DSCAM: variants seen among roughly 807,000 people sequenced by gnomAD.
DSCAM encodes cell adhesion molecule DSCAM.
DSCAM carries 47 observed loss-of-function variants against 217.7 expected under a neutral mutation model. That is an observed-to-expected ratio of 0.22 (90% CI 0.17 to 0.28). DSCAM has a LOEUF of 0.28. Among genes scored for constraint, DSCAM ranks in the 10% least tolerant of loss-of-function variants. The pLI is 1.00. For synonymous variants in DSCAM, 1,056 were observed against 1,015.3 expected (o/e 1.04, Z -0.76); for missense variants, 2,080 against 2,618.3 (o/e 0.79, Z 4.49).
At chr21:40,031,622 C>T (rs2088526286) in intron 32 of DSCAM, among the ~76,000 whole-genome samples, 1 of 150,990 alleles carries the variant, frequency 6.6e-6, no homozygotes, top group Non-Finnish European at 1.5e-5. Flanking sequence ...GATGGTCAGT[C>T]ACCACCTACA....
chr21:40,460,980 T>C (rs1241746811), intron 3 of DSCAM, among the ~76,000 whole-genome samples: 2 of 152,328 alleles, frequency 1.3e-5, no homozygotes, highest in African/African-American at 2.4e-5. Context: ...ACGGTGCATA[T>C]GCAAGCTTAT....
intron 1 of DSCAM, among the ~76,000 whole-genome samples, chr21:40,722,804 G>A (rs933352752): frequency 1.3e-5 from 2 of 151,878 alleles, no homozygotes; most frequent in Non-Finnish European, 2.9e-5. Flanking sequence ...TAAAGAAACT[G>A]ATAGACCAAA....
At chr21:40,484,072 C>A (rs1480930095) in intron 3 of DSCAM, among the ~76,000 whole-genome samples, 1 of 152,224 alleles carries the variant, frequency 6.6e-6, no homozygotes, top group African/African-American at 2.4e-5. Flanking sequence ...AGACAAGGTT[C>A]TTGCTTTCGA....
At chr21:40,057,827 G>C (rs2146509716) in intron 28 of DSCAM, among the ~76,000 whole-genome samples, 1 of 150,308 alleles carries the variant, frequency 6.7e-6, no homozygotes, top group Middle Eastern at 3.6e-3. Context: ...GTCTTGCTCT[G>C]TCGCCCAGGC....
At chr21:40,694,184 T>G (rs747470951) in intron 2 of DSCAM, among the ~76,000 whole-genome samples, 7 of 152,216 alleles carry the variant, frequency 4.6e-5, no homozygotes, top group Admixed American at 1.3e-4. Flanking sequence ...CAGCCTTACT[T>G]CTTTAGAGCT....
intron 11 of DSCAM, among the ~76,000 whole-genome samples, chr21:40,207,869 C>G (rs529462481): frequency 1.3e-4 from 20 of 152,174 alleles, no homozygotes; most frequent in South Asian, 4.1e-4. Context: ...GGTCCTCACA[C>G]GGTCACTCCT....
intron 3 of DSCAM, among the ~76,000 whole-genome samples, chr21:40,504,176 A>T (rs1399985827): frequency 6.6e-6 from 1 of 152,198 alleles, no homozygotes; most frequent in East Asian, 1.9e-4. Context: ...AAGAGGAAAG[A>T]AGAGGGGAGG....
chr21:40,091,866 GAC>G (rs2089614669), intron 21 of DSCAM, among the ~76,000 whole-genome samples: 1 of 152,130 alleles, frequency 6.6e-6, no homozygotes, highest in Admixed American at 6.5e-5. Flanking sequence ...GCACAGGAAA[GAC>G]CTGCTCCCAT....
intron 3 of DSCAM, among the ~76,000 whole-genome samples, chr21:40,598,497 G>GTTTTTTTTTTTTTTTTTTTTTTTTTT (rs71186947): frequency 3.0e-5 from 2 of 66,792 alleles, no homozygotes; most frequent in Non-Finnish European, 5.1e-5. Flanking sequence ...CTGCCAAACT[G>GTTTTTTTTTTTTTTTTTTTTTTTTTT]TTTTTTTTTT....
intron 1 of DSCAM, among the ~76,000 whole-genome samples, chr21:40,732,503 T>G (rs1188424996): frequency 1.3e-5 from 2 of 152,232 alleles, no homozygotes; most frequent in Non-Finnish European, 2.9e-5. Flanking sequence ...ATACACTGAT[T>G]CAATAACTTC....
At chr21:40,412,470 C>T (rs2075332029) in intron 3 of DSCAM, among the ~76,000 whole-genome samples, 1 of 152,170 alleles carries the variant, frequency 6.6e-6, no homozygotes, top group Non-Finnish European at 1.5e-5. Context: ...AGATGAGGAA[C>T]TTGTTGGGAA....
chr21:40,842,870 A>C (rs2092114436), intron 1 of DSCAM, among the ~76,000 whole-genome samples: 2 of 152,186 alleles, frequency 1.3e-5, no homozygotes, highest in Admixed American at 1.3e-4. Context: ...AGAACGATCC[A>C]CTGGCATTTA....
intron 2 of DSCAM, among the ~76,000 whole-genome samples, chr21:40,698,280 T>C (rs1010831439): frequency 6.6e-6 from 1 of 152,090 alleles, no homozygotes; most frequent in South Asian, 2.1e-4. Context: ...ATGTAACAAA[T>C]TGCATGGCTC....
intron 11 of DSCAM, among the ~76,000 whole-genome samples, chr21:40,234,674 C>T (rs562447286): frequency 3.2e-4 from 49 of 152,280 alleles, no homozygotes; most frequent in African/African-American, 1.2e-3. Context: ...CACTTTTCTG[C>T]AGTCACATGG....
At chr21:40,464,038 T>C (rs532405372) in intron 3 of DSCAM, among the ~76,000 whole-genome samples, 1 of 152,260 alleles carries the variant, frequency 6.6e-6, no homozygotes, top group African/African-American at 2.4e-5. Flanking sequence ...TCCAGCTGTT[T>C]CCTGAACCAT....
intron 15 of DSCAM, among the ~76,000 whole-genome samples, chr21:40,173,821 T>A (rs1204040307): frequency 1.3e-5 from 2 of 152,194 alleles, no homozygotes; most frequent in Non-Finnish European, 2.9e-5. Context: ...TGACTCTGCA[T>A]CATGACCCTT....
chr21:40,061,593 G>A (rs62235651), intron 28 of DSCAM, among the ~76,000 whole-genome samples: 27,180 of 147,508 alleles, frequency 0.18, 2,994 homozygotes, highest in Non-Finnish European at 0.25. Context: ...AAAGAAAAAG[G>A]AAAAGACTTA....
chr21:40,790,180 CTTTTTTT>C (rs771986567), intron 1 of DSCAM, among the ~76,000 whole-genome samples: 2 of 125,400 alleles, frequency 1.6e-5, no homozygotes, highest in African/African-American at 3.0e-5. Flanking sequence ...TTCTTTCTTT[CTTTTTTT>C]TTTTTTTTTT....
At chr21:40,559,956 G>A (rs552196016) in intron 3 of DSCAM, among the ~76,000 whole-genome samples, 2 of 152,020 alleles carry the variant, frequency 1.3e-5, no homozygotes, top group East Asian at 3.9e-4. Flanking sequence ...ACCATGCCCG[G>A]CTAATTTTTT....
Sources: gnomAD v4.1 joint callset for allele counts (sites outside exome capture counted in the v4.1 genomes callset) on GRCh38, gnomAD v4.1.1 for gene constraint, MANE v1.5 for transcripts, NCBI Gene and HGNC (gene_info 2026-07-23, HGNC 2026-07-21) for gene names.